Variants in VSTM4 observed in about 807,000 individuals in gnomAD.
VSTM4 encodes the protein V-set and transmembrane domain containing 4.
A neutral mutation model predicts 36.4 loss-of-function variants in VSTM4; 20 were observed. That is an observed-to-expected ratio of 0.55 (90% CI 0.39 to 0.80). The LOEUF (loss-of-function observed/expected upper bound fraction) is 0.80, where lower values mean the gene tolerates loss of function less well. Ranked by LOEUF, VSTM4 falls within the 30% of genes least tolerant of loss-of-function variation. VSTM4 has a pLI of 0.00. For missense variants in VSTM4, 392 were observed against 404.5 expected (o/e 0.97, Z 0.26); for synonymous variants, 182 against 173.9 (o/e 1.05, Z -0.37).
Position 49,049,240 on chromosome 10 carries a change from A to G in VSTM4, c.669-656T>C, listed in dbSNP as rs531408267. Among the ~76,000 whole-genome samples, 7 of 152,342 alleles carry G rather than the reference A, an allele frequency of 4.6e-5. No homozygotes were observed. In the East Asian group the frequency reaches 9.6e-4, roughly 21 times the overall value. ...CTTGACCCTGTGTAATTACTGCAGT[A>G]TCAGCTTCTTAATATGTGTTAGCCA... On this transcript the variant is annotated intron_variant, in intron 5 of 7. Transcript: ENST00000332853.
chr10:49,055,071 G>C (rs1027804071), intron 5 of VSTM4, among the ~76,000 whole-genome samples: 1 of 152,174 alleles, frequency 6.6e-6, no homozygotes, highest in Non-Finnish European at 1.5e-5. Context: ...ACTCCAAAGG[G>C]ATGTATTGTG....
intron 3 of VSTM4, among the ~76,000 whole-genome samples, 198 bp from the exon 4 acceptor site, chr10:49,077,524 C>CA (rs1844201372): frequency 2.0e-5 from 3 of 152,224 alleles, no homozygotes; most frequent in Admixed American, 2.0e-4. Flanking sequence ...CAGGCATGCT[C>CA]AGTTGATTTT....
Position 49,051,206 on chromosome 10 carries a change from C to T in VSTM4, c.669-2622G>A, listed in dbSNP as rs191201888. Among the ~76,000 whole-genome samples, 346 of 152,246 alleles carry T rather than the reference C, an allele frequency of 2.3e-3. 11 individuals carry two copies. The highest frequency in any genetic ancestry group is 0.022 in the Admixed American group (343 of 15,300). On this transcript the variant is annotated intron_variant, in intron 5 of 7. Coordinates refer to ENST00000332853, the MANE Select transcript of VSTM4 (RefSeq NM_001031746.5). ...AAGTATCCTCTGTGCTCTGCCTATT[C>T]ATCCCTCCCTCTACCCTAACCCTTG... is the stretch of plus-strand genomic sequence containing the variant.
intron 4 of VSTM4, among the ~76,000 whole-genome samples, chr10:49,065,096 T>C (rs1056652180): frequency 2.0e-5 from 3 of 152,198 alleles, no homozygotes; most frequent in Non-Finnish European, 4.4e-5. Flanking sequence ...CCAGATGGAA[T>C]AACGTGTCCA....
chr10:49,098,044 C>CA (rs1844604476), intron 2 of VSTM4, among the ~76,000 whole-genome samples: 1 of 152,192 alleles, frequency 6.6e-6, no homozygotes, highest in Admixed American at 6.5e-5. Flanking sequence ...TGGACACTCT[C>CA]AATGTAAATA....
At chr10:49,054,340 G>A (rs940713858) in intron 5 of VSTM4, among the ~76,000 whole-genome samples, 1 of 152,262 alleles carries the variant, frequency 6.6e-6, no homozygotes, top group Non-Finnish European at 1.5e-5. Flanking sequence ...GTCTGATTTA[G>A]ATTCAGCGTG....
At chr10:49,044,537 A>AAAGAAAGGAAGAAAGG (rs949639132) in intron 7 of VSTM4, among the ~76,000 whole-genome samples, 2 of 151,670 alleles carry the variant, frequency 1.3e-5, no homozygotes, top group African/African-American at 4.8e-5. Flanking sequence ...AAAAAGAAAG[A>AAAGAAAGGAAGAAAGG]AAGAAAGGAA....
intron 5 of VSTM4, among the ~76,000 whole-genome samples, chr10:49,059,610 G>C (rs948030231): frequency 2.6e-5 from 4 of 152,088 alleles, no homozygotes; most frequent in Admixed American, 2.6e-4. Context: ...TTGGCGGGCT[G>C]ATCATCCACA....
chr10:49,106,207 T>C (rs1204664125), intron 2 of VSTM4, among the ~76,000 whole-genome samples: 1 of 152,210 alleles, frequency 6.6e-6, no homozygotes, highest in Non-Finnish European at 1.5e-5. Flanking sequence ...CACAACTAAG[T>C]TTTGTCCTTT....
intron 1 of VSTM4, among the ~76,000 whole-genome samples, chr10:49,110,211 C>A (rs1844867960): frequency 6.6e-6 from 1 of 152,200 alleles, no homozygotes; most frequent in South Asian, 2.1e-4. Flanking sequence ...AGCCGGGACC[C>A]CACGCCCCAG....
At chr10:49,052,974 G>A (rs1564574926) in intron 5 of VSTM4, among the ~76,000 whole-genome samples, 1 of 152,152 alleles carries the variant, frequency 6.6e-6, no homozygotes, top group Admixed American at 6.5e-5. Flanking sequence ...TCAGAATCTT[G>A]TTTCTCCCCT....
intron 1 of VSTM4, among the ~76,000 whole-genome samples, chr10:49,108,807 C>G (rs1219161591): frequency 6.6e-6 from 1 of 152,180 alleles, no homozygotes; most frequent in Non-Finnish European, 1.5e-5. Context: ...CTCCCAGCCA[C>G]TGTTCTGCCC....
chr10:49,026,913 G>A (rs1843270815), intron 7 of VSTM4, among the ~76,000 whole-genome samples: 1 of 152,202 alleles, frequency 6.6e-6, no homozygotes, highest in Non-Finnish European at 1.5e-5. Flanking sequence ...AAAGAGCCAT[G>A]TGATCTGCTC....
chr10:49,106,288 C>G (rs1844781168), intron 2 of VSTM4, among the ~76,000 whole-genome samples: 3 of 152,138 alleles, frequency 2.0e-5, no homozygotes, highest in African/African-American at 7.2e-5. Context: ...AAAATTAGAC[C>G]CTTTTTTGTA....
At chr10:49,039,521 A>T (rs1217642797) in intron 7 of VSTM4, among the ~76,000 whole-genome samples, 1 of 152,042 alleles carries the variant, frequency 6.6e-6, no homozygotes, top group African/African-American at 2.4e-5. Context: ...CTGGTTTTCT[A>T]TGTCTTTCGT....
At position 49,060,387 on chromosome 10, in the gene VSTM4, T is replaced by C. The variant is rs78436203; in HGVS notation, c.668+4316A>G. Among the ~76,000 whole-genome samples, 44 of 152,338 alleles carry C rather than the reference T, an allele frequency of 2.9e-4. No individual in the cohort carries two copies. In the East Asian group the frequency reaches 8.3e-3, roughly 29 times the overall value. ...TTGCTATTGTCTGTCTTTTGAGTTA[T>C]AGCCATTGTAATGGGGGTATAGTGA... is the stretch of plus-strand genomic sequence containing the variant. On this transcript the variant is annotated intron_variant, in intron 5 of 7. Coordinates refer to ENST00000332853, the MANE Select transcript of VSTM4 (RefSeq NM_001031746.5).
chr10:49,060,005 T>C (rs775184857), intron 5 of VSTM4, among the ~76,000 whole-genome samples: 7 of 152,248 alleles, frequency 4.6e-5, no homozygotes, highest in Non-Finnish European at 5.9e-5. Flanking sequence ...CTTACTATTG[T>C]TGGGGCTCAT....
chr10:49,096,987 G>A (rs1024748922), intron 2 of VSTM4, among the ~76,000 whole-genome samples: 1 of 152,062 alleles, frequency 6.6e-6, no homozygotes, highest in Non-Finnish European at 1.5e-5. Context: ...GGGGATCAAA[G>A]CTGTGGCCTC....
chr10:49,065,613 C>T (rs145861393), intron 4 of VSTM4, among the ~76,000 whole-genome samples: 80 of 152,290 alleles, frequency 5.3e-4, no homozygotes, highest in African/African-American at 1.8e-3. Context: ...TGAGACTACA[C>T]GGAGCAGACA....
Sources: allele counts gnomAD v4.1 joint callset (sites outside exome capture counted in the v4.1 genomes callset), GRCh38; gene constraint gnomAD v4.1.1; transcripts MANE v1.5; gene names NCBI Gene and HGNC (gene_info 2026-07-23, HGNC 2026-07-21).